Variants in DST observed in about 807,000 individuals in gnomAD.
The protein encoded by DST is dystonin, also known as bullous pemphigoid antigen.
DST carries 253 observed loss-of-function variants against 875.2 expected under a neutral mutation model. That is an observed-to-expected ratio of 0.29 (90% CI 0.26 to 0.32). The LOEUF (loss-of-function observed/expected upper bound fraction) is 0.32, where lower values mean the gene tolerates loss of function less well. Among genes scored for constraint, DST ranks in the 10% least tolerant of loss-of-function variants. The pLI, the probability that DST is intolerant of heterozygous loss-of-function variation, is 1.00. For missense variants in DST, 8,287 were observed against 9,111.6 expected (o/e 0.91, Z 3.68); for synonymous variants, 3,124 against 3,197.1 (o/e 0.98, Z 0.77).
At chr6:56,463,402 G>A (rs1472117126) in intron 101 of DST, among the ~76,000 whole-genome samples, 163 bp downstream of exon 101, 2 of 152,158 alleles carry the variant, frequency 1.3e-5, no homozygotes, top group Non-Finnish European at 2.9e-5. Context: ...CTAGGCAAAA[G>A]CATACATTCA....
At chr6:56,872,555 A>G (rs1204265296) in intron 3 of DST, among the ~76,000 whole-genome samples, 1 of 152,134 alleles carries the variant, frequency 6.6e-6, no homozygotes, top group Non-Finnish European at 1.5e-5. Flanking sequence ...AAAAATTTAA[A>G]CTTTTTAGGA....
intron 8 of DST, among the ~76,000 whole-genome samples, chr6:56,700,910 T>C (rs1588856214): frequency 1.3e-5 from 2 of 151,774 alleles, no homozygotes; most frequent in South Asian, 4.2e-4. Context: ...ATGTTCATAA[T>C]ATTTAAGAAT....
At chr6:56,867,592 T>A (rs566485507) in intron 3 of DST, among the ~76,000 whole-genome samples, 2 of 152,146 alleles carry the variant, frequency 1.3e-5, no homozygotes, top group Non-Finnish European at 2.9e-5. Flanking sequence ...GAGGCCAAGG[T>A]GGGCGGATCA....
At chr6:56,696,640 C>G (rs2099265722) in intron 9 of DST, among the ~76,000 whole-genome samples, 1 of 152,134 alleles carries the variant, frequency 6.6e-6, no homozygotes, top group Admixed American at 6.5e-5. Context: ...TTGTTATTTT[C>G]TAGTCTCTGC....
At chr6:56,656,758 A>C (rs2099010691) in intron 10 of DST, among the ~76,000 whole-genome samples, 1 of 152,226 alleles carries the variant, frequency 6.6e-6, no homozygotes, top group Admixed American at 6.5e-5. Context: ...GAAGCTGAGA[A>C]TACATAATAA....
intron 10 of DST, among the ~76,000 whole-genome samples, chr6:56,665,513 A>G (rs974536424): frequency 6.6e-5 from 10 of 152,126 alleles, no homozygotes; most frequent in African/African-American, 2.2e-4. Flanking sequence ...TAGTTTGCCT[A>G]AAGGAAATTA....
intron 45 of DST, among the ~76,000 whole-genome samples, chr6:56,599,862 A>C (rs2098427165): frequency 6.6e-6 from 1 of 152,066 alleles, no homozygotes; most frequent in African/African-American, 2.4e-5. Flanking sequence ...CTTACCAAAA[A>C]AAGTCAAAAA....
At chr6:56,519,511 C>A (rs775083490) in intron 69 of DST, among the ~76,000 whole-genome samples, 1 of 152,130 alleles carries the variant, frequency 6.6e-6, no homozygotes, top group African/African-American at 2.4e-5. Flanking sequence ...CTTCCACCCC[C>A]ACTAAGCAAT....
intron 5 of DST, among the ~76,000 whole-genome samples, chr6:56,731,212 G>A (rs1414393984): frequency 6.6e-6 from 1 of 152,094 alleles, no homozygotes; most frequent in Non-Finnish European, 1.5e-5. Context: ...TTATCTGCTG[G>A]ACTGTTGAGT....
chr6:56,494,214 A>C (rs2152444301), intron 82 of DST, 34 bp from the exon 83 acceptor site: 2 of 1,549,072 alleles, frequency 1.3e-6, no homozygotes, highest in African/African-American at 1.4e-5. Flanking sequence ...ATATCACTTT[A>C]AGAAAGTAAA....
chr6:56,678,434 G>A (rs751043945), intron 9 of DST, among the ~76,000 whole-genome samples: 1 of 152,026 alleles, frequency 6.6e-6, no homozygotes, highest in Admixed American at 6.5e-5. Context: ...ATCTATGAAC[G>A]GTAGAGGAAG....
Position 56,779,980 on chromosome 6 carries a change from G to A in DST, c.626-44691C>T, listed in dbSNP as rs1165489358. ...TATGAGTGAGAACATGGGGTGTTTG[G>A]TTTTTTGTCCTTGAGATAGTTTACT... On this transcript the variant is annotated intron_variant, in intron 4 of 103. Transcript: ENST00000680361. Among the ~76,000 whole-genome samples, 8 of 147,730 alleles carry A rather than the reference G, an allele frequency of 5.4e-5. No homozygotes were observed. In the Admixed American group the frequency reaches 5.5e-4, roughly 10 times the overall value.
intron 99 of DST, among the ~76,000 whole-genome samples, chr6:56,465,450 A>C (rs1050941902): frequency 6.6e-6 from 1 of 152,214 alleles, no homozygotes; most frequent in Non-Finnish European, 1.5e-5. Context: ...GTGTAACGTA[A>C]ATTGGTTGAG....
chr6:56,692,721 C>T lies in DST; in HGVS notation c.1047+6932G>A, dbSNP rs746907888. On this transcript the variant is annotated intron_variant, in intron 9 of 103. Transcript: ENST00000680361. ...ATGGAGTGCTGTCTTTTTCTGAAAT[C>T]CTTTCATCCAGTTCACTAACTTTTA... The T allele has an allele frequency of 4.7e-6, 6 of 1,289,604 alleles. No homozygotes were observed. In the Admixed American group the frequency reaches 6.9e-5, roughly 15 times the overall value. 79.9% of individuals were successfully genotyped at this position (1,289,604 alleles called of 1,614,324 possible). A position where few individuals can be genotyped will look rare whatever the true frequency, so the allele number is the denominator to read the frequency against.
intron 3 of DST, among the ~76,000 whole-genome samples, chr6:56,885,860 G>A (rs1784461389): frequency 1.3e-5 from 2 of 152,184 alleles, no homozygotes; most frequent in African/African-American, 4.8e-5. Context: ...TAGCAACACA[G>A]ATGGACTAAG....
intron 2 of DST, among the ~76,000 whole-genome samples, chr6:56,906,425 G>A (rs1318691196): frequency 2.0e-5 from 3 of 152,160 alleles, no homozygotes; most frequent in East Asian, 1.9e-4. Context: ...AACTACCTGG[G>A]ACTAGACGTG....
In DST at chr6:56,779,814, T is replaced by C. The variant is rs189684452; in HGVS notation, c.626-44525A>G. ...TATGTATACATGTGCCATGCTGGTGTGCTGCACCCATTAACTCGTCATTTA... is the reference window on the plus strand; with the variant it reads ...TATGTATACATGTGCCATGCTGGTGCGCTGCACCCATTAACTCGTCATTTA... On this transcript the variant is annotated intron_variant, in intron 4 of 103. Transcript: ENST00000680361. Among the ~76,000 whole-genome samples, 1,138 of 150,518 alleles carry C rather than the reference T, an allele frequency of 7.6e-3. 25 individuals are homozygous for C. The highest frequency in any genetic ancestry group is 0.026 in the African/African-American group (1,078 of 40,684).
intron 36 of DST, chr6:56,618,751 T>G: frequency 3.7e-6 from 6 of 1,614,184 alleles, no homozygotes; most frequent in Non-Finnish European, 5.1e-6. Flanking sequence ...TGGACTCCAT[T>G]AATTTTTCCA....
At chr6:56,647,830 T>C (rs979907358) in intron 13 of DST, among the ~76,000 whole-genome samples, 5 of 151,940 alleles carry the variant, frequency 3.3e-5, no homozygotes, top group Admixed American at 2.6e-4. Context: ...GGATTACAAG[T>C]GTGTGCCACC....
Sources: allele counts gnomAD v4.1 joint callset (sites outside exome capture counted in the v4.1 genomes callset), GRCh38; gene constraint gnomAD v4.1.1; transcripts MANE v1.5; gene names NCBI Gene and HGNC (gene_info 2026-07-23, HGNC 2026-07-21).